The following OR56A3 variants were observed in gnomAD, a reference collection of about 807,000 sequenced individuals.
OR56A3 encodes the protein olfactory receptor 56A3.
OR56A3 carries 23 observed loss-of-function variants against 17.5 expected under a neutral mutation model. That is an observed-to-expected ratio of 1.32 (90% CI 0.95 to 1.87). The LOEUF is 1.87. OR56A3 is among the 40% of genes most tolerant of loss of function. The probability of loss-of-function intolerance (pLI) is 0.00; values close to 1 mark genes in which losing one functional copy is unlikely to be tolerated. For synonymous variants in OR56A3, 175 were observed against 150.6 expected, an observed-to-expected ratio of 1.16 and a Z score of -1.19; for missense variants, 366 against 380.1, an observed-to-expected ratio of 0.96 and a Z score of 0.31.
chr11:6,011,204 T>TATACATATA, the OR56A3 span, among the ~76,000 whole-genome samples: 6,164 of 122,470 alleles, frequency 0.05, 287 homozygotes, highest in East Asian at 0.18. Flanking sequence ...GAGATTTATT[T>TATACATATA]TATATATATA....
chr11:5,944,710 C>T (rs1847857782), intron 1 of OR56A3, 96 bp from the exon 2 acceptor site: 1 of 152,202 alleles, frequency 6.6e-6, no homozygotes, highest in Non-Finnish European at 1.5e-5. Flanking sequence ...ACTTACCCTA[C>T]CTACTTCAAA....
At chr11:5,971,617 A>C in the OR56A3 span, among the ~76,000 whole-genome samples, 1 of 152,240 alleles carries the variant, frequency 6.6e-6, no homozygotes, top group African/African-American at 2.4e-5. Flanking sequence ...AAGCGGTTAG[A>C]TACCTGAACA....
chr11:5,971,596 G>C, the OR56A3 span, among the ~76,000 whole-genome samples: 1 of 152,184 alleles, frequency 6.6e-6, no homozygotes, highest in Non-Finnish European at 1.5e-5. Context: ...CGAGGAATGG[G>C]AGTAGAGAAA....
At chr11:5,966,207 C>CAAAA in the OR56A3 span, among the ~76,000 whole-genome samples, 9 of 63,966 alleles carry the variant, frequency 1.4e-4, no homozygotes, top group Admixed American at 1.6e-4. Flanking sequence ...CCCGTCTCTA[C>CAAAA]AAAAAAAAAA....
At chr11:5,979,444 C>T in the OR56A3 span, among the ~76,000 whole-genome samples, 169 of 152,056 alleles carry the variant, frequency 1.1e-3, no homozygotes, top group African/African-American at 3.7e-3. Flanking sequence ...CTCATTTAAT[C>T]TTGGAAGGTC....
chr11:5,949,053 A>G lies in OR56A3; in HGVS notation c.*759A>G, dbSNP rs1023026707. On this transcript the variant is annotated 3_prime_UTR_variant, in exon 3 of 3. Coordinates refer to ENST00000641160, the MANE Select transcript of OR56A3 (RefSeq NM_001003443.3). ...TATCACAGGTTTTGATATGCAAACA[A>G]ATCTTTATTAATGAGTCAAAAGATT... 1 of 152,230 alleles carries G rather than the reference A, an allele frequency of 6.6e-6. No homozygotes were observed. The highest frequency in any genetic ancestry group is 2.4e-5 in the African/African-American group (1 of 41,466). The allele number at this position is 152,230 out of a possible 1,614,324, so 9.4% of individuals were successfully genotyped here.
At chr11:6,017,147 T>G in the OR56A3 span, 1 of 152,154 alleles carries the variant, frequency 6.6e-6, no homozygotes, top group East Asian at 1.9e-4. Flanking sequence ...AGAAACCCTT[T>G]GTGATAAATG....
chr11:5,960,771 G>T, the OR56A3 span, among the ~76,000 whole-genome samples: 1 of 151,832 alleles, frequency 6.6e-6, no homozygotes, highest in African/African-American at 2.4e-5. Context: ...TCTGGGAAGT[G>T]AGGAATGCGT....
chr11:6,003,137 C>G, the OR56A3 span: 4 of 1,566,418 alleles, frequency 2.6e-6, no homozygotes, highest in Non-Finnish European at 3.5e-6. Flanking sequence ...TTTTTAAAAT[C>G]ACTGTCATCA....
chr11:5,964,601 C>T, the OR56A3 span, among the ~76,000 whole-genome samples: 1 of 152,194 alleles, frequency 6.6e-6, no homozygotes, highest in South Asian at 2.1e-4. Flanking sequence ...TGCACCCAAA[C>T]TCATGGCCAT....
the OR56A3 span, among the ~76,000 whole-genome samples, chr11:5,972,200 C>T: frequency 1.1e-4 from 17 of 152,274 alleles, 1 homozygote; most frequent in Middle Eastern, 6.8e-3. Flanking sequence ...TATTTCTGGG[C>T]ACACATGCAT....
chr11:6,014,513 C>T, the OR56A3 span, among the ~76,000 whole-genome samples: 1 of 152,298 alleles, frequency 6.6e-6, no homozygotes, highest in East Asian at 1.9e-4. Flanking sequence ...AGTAAAAGCT[C>T]CCTGAGTCCT....
At chr11:5,961,378 G>A in the OR56A3 span, among the ~76,000 whole-genome samples, 1 of 152,202 alleles carries the variant, frequency 6.6e-6, no homozygotes, top group Non-Finnish European at 1.5e-5. Context: ...AGTAGACATA[G>A]GAGACTCCAT....
the OR56A3 span, among the ~76,000 whole-genome samples, chr11:6,007,953 T>C: frequency 5.3e-5 from 8 of 152,238 alleles, no homozygotes; most frequent in South Asian, 2.1e-4. Context: ...TCATGGCTTT[T>C]CTTTGTCTAA....
At chr11:6,000,563 T>C in the OR56A3 span, 1 of 152,092 alleles carries the variant, frequency 6.6e-6, no homozygotes, top group African/African-American at 2.4e-5. Context: ...TGTATACATA[T>C]GTAACAAACC....
chr11:5,956,894 C>T, the OR56A3 span, among the ~76,000 whole-genome samples: 7 of 152,164 alleles, frequency 4.6e-5, no homozygotes, highest in African/African-American at 7.2e-5. Flanking sequence ...CGGTGTCTCA[C>T]GCCTGTAATC....
chr11:5,986,858 G>A, the OR56A3 span: 4 of 1,613,850 alleles, frequency 2.5e-6, no homozygotes, highest in South Asian at 2.2e-5. Flanking sequence ...GGCTGGGATA[G>A]CCTCCAGCTT....
chr11:5,994,009 C>T, the OR56A3 span: 44 of 459,300 alleles, frequency 9.6e-5, no homozygotes, highest in Middle Eastern at 6.8e-4. Context: ...GAAATCTTTG[C>T]TGTCTTCCAG....
the OR56A3 span, chr11:5,993,929 CTG>C: frequency 4.3e-6 from 2 of 466,236 alleles, no homozygotes; most frequent in Non-Finnish European, 4.2e-6. Context: ...GCTGTCCACT[CTG>C]TGGCGGGTGG....
Sources: allele counts gnomAD v4.1 joint callset (sites outside exome capture counted in the v4.1 genomes callset), GRCh38; gene constraint gnomAD v4.1.1; transcripts MANE v1.5; gene names NCBI Gene and HGNC (gene_info 2026-07-23, HGNC 2026-07-21).